ZDHHC14: variants seen among roughly 807,000 people sequenced by gnomAD.
The protein encoded by ZDHHC14 is palmitoyltransferase ZDHHC14.
ZDHHC14 carries 16 observed loss-of-function variants against 47.7 expected under a neutral mutation model. The ratio of observed to expected loss-of-function variants is 0.34; its 90% CI spans 0.23 to 0.51. ZDHHC14 has a LOEUF of 0.51. Among genes scored for constraint, ZDHHC14 ranks in the 20% least tolerant of loss-of-function variants. ZDHHC14 has a pLI of 0.97. For synonymous variants in ZDHHC14, 293 were observed against 278.9 expected, an observed-to-expected ratio of 1.05 and a Z score of -0.50; for missense variants, 515 against 662.5, an observed-to-expected ratio of 0.78 and a Z score of 2.44.
chr6:157,587,438 G>A (rs889395265), intron 2 of ZDHHC14, among the ~76,000 whole-genome samples: 1 of 152,164 alleles, frequency 6.6e-6, no homozygotes, highest in Non-Finnish European at 1.5e-5. Flanking sequence ...CACCTCTCCA[G>A]ATGCCTGTGA....
chr6:157,576,930 C>T (rs1032222231), intron 2 of ZDHHC14, among the ~76,000 whole-genome samples: 30 of 152,186 alleles, frequency 2.0e-4, no homozygotes, highest in African/African-American at 6.5e-4. Flanking sequence ...AGGTAAACCG[C>T]GTGTCATGGA....
chr6:157,519,526 GC>G (rs1473062885), intron 1 of ZDHHC14, among the ~76,000 whole-genome samples: 2 of 152,192 alleles, frequency 1.3e-5, no homozygotes, highest in African/African-American at 4.8e-5. Flanking sequence ...TCTAAAAGGT[GC>G]CGTCTTGGTT....
chr6:157,605,235 T>G (rs1392872544), intron 3 of ZDHHC14, among the ~76,000 whole-genome samples: 1 of 152,202 alleles, frequency 6.6e-6, no homozygotes, highest in African/African-American at 2.4e-5. Context: ...TATTTTGTTT[T>G]AAAAAAGGTT....
rs2114805227 is a variant in ZDHHC14 at position 157,542,661 on chromosome 6, A to G, written c.322A>G (p.Thr108Ala). The change falls in exon 2 of 9, where the codon ACC (threonine) becomes GCC (alanine). Residue 108 changes from threonine to alanine, a missense_variant. Coordinates refer to ENST00000359775, the MANE Select transcript of ZDHHC14 (RefSeq NM_024630.3). Reference protein sequence around the residue: ...AGILFFFVMGTLLRTSFSDPG... With the variant: ...AGILFFFVMGALLRTSFSDPG... ...CATCCTGTTCTTCTTTGTGATGGGG[A>G]CCCTGCTCCGCACCAGCTTCAGCGA... 1 of 1,613,772 alleles carries G rather than the reference A, an allele frequency of 6.2e-7. No individual in the cohort carries two copies. The highest frequency in any genetic ancestry group is 1.3e-5 in the African/African-American group (1 of 74,942).
intron 1 of ZDHHC14, among the ~76,000 whole-genome samples, chr6:157,397,105 G>A (rs562591372): frequency 6.6e-6 from 1 of 152,180 alleles, no homozygotes; most frequent in Non-Finnish European, 1.5e-5. Context: ...TTGGAAGGTT[G>A]TATGGGTTTG....
intron 1 of ZDHHC14, among the ~76,000 whole-genome samples, chr6:157,409,767 A>C (rs970274618): frequency 6.6e-5 from 10 of 152,016 alleles, no homozygotes; most frequent in Non-Finnish European, 1.3e-4. Context: ...CATCTCCTCC[A>C]AGGCATGAGG....
chr6:157,484,381 C>CATATATACGTATATGTGTAT (rs1779721230), intron 1 of ZDHHC14, among the ~76,000 whole-genome samples: 5 of 143,430 alleles, frequency 3.5e-5, no homozygotes, highest in African/African-American at 1.3e-4. Flanking sequence ...TATATACACA[C>CATATATACGTATATGTGTAT]ATATATACGT....
chr6:157,569,094 A>G (rs918111929), intron 2 of ZDHHC14, among the ~76,000 whole-genome samples: 50 of 152,028 alleles, frequency 3.3e-4, no homozygotes, highest in African/African-American at 1.2e-3. Flanking sequence ...CAGAGTATCA[A>G]TCTTTTCTTT....
In ZDHHC14 at chr6:157,544,485, T is replaced by C. The variant is rs144308163; in HGVS notation, c.406+1740T>C. 1.2e-3 allele frequency among the ~76,000 whole-genome samples: 175 copies of C among 152,128 alleles called. 2 individuals are homozygous for C. Among genetic ancestry groups the C allele is most frequent in the African/African-American group, 3.8e-3 (158 of 41,494 alleles). On this transcript the variant is annotated intron_variant, in intron 2 of 8. Coordinates refer to ENST00000359775, the MANE Select transcript of ZDHHC14 (RefSeq NM_024630.3). ...CAACCTGGTGAAACCCCATCTCTACTAAAAATAAAAAAAATTGGCAGGGTG... is the reference window on the plus strand; with the variant it reads ...CAACCTGGTGAAACCCCATCTCTACCAAAAATAAAAAAAATTGGCAGGGTG...
chr6:157,611,148 C>T (rs535673194), intron 3 of ZDHHC14, among the ~76,000 whole-genome samples: 10 of 152,218 alleles, frequency 6.6e-5, no homozygotes, highest in East Asian at 5.8e-4. Flanking sequence ...TATAGGCACG[C>T]GCCACCATGC....
chr6:157,425,854 C>A (rs138918712), intron 1 of ZDHHC14, among the ~76,000 whole-genome samples: 1 of 152,318 alleles, frequency 6.6e-6, no homozygotes, highest in African/African-American at 2.4e-5. Context: ...CCCCTGCCAA[C>A]CTTAGAACCC....
At chr6:157,483,570 A>G (rs1291762768) in intron 1 of ZDHHC14, among the ~76,000 whole-genome samples, 1 of 152,202 alleles carries the variant, frequency 6.6e-6, no homozygotes, top group Non-Finnish European at 1.5e-5. Context: ...GGCCTTGCTG[A>G]GACATAGTGC....
chr6:157,650,239 G>A (rs965320181), intron 7 of ZDHHC14, among the ~76,000 whole-genome samples: 3 of 152,236 alleles, frequency 2.0e-5, no homozygotes, highest in Admixed American at 6.5e-5. Context: ...GAAGGAGTTC[G>A]GAGGAGGAAG....
intron 1 of ZDHHC14, among the ~76,000 whole-genome samples, chr6:157,509,891 A>G (rs1364113473): frequency 6.6e-6 from 1 of 152,246 alleles, no homozygotes; most frequent in Non-Finnish European, 1.5e-5. Context: ...CCAGAGCCTC[A>G]TTGCCATGTC....
chr6:157,515,358 C>T (rs996467965), intron 1 of ZDHHC14, among the ~76,000 whole-genome samples: 1 of 152,088 alleles, frequency 6.6e-6, no homozygotes, highest in Admixed American at 6.6e-5. Context: ...TTCCAGCTCA[C>T]GTGATTCTAG....
intron 3 of ZDHHC14, among the ~76,000 whole-genome samples, chr6:157,614,568 G>C (rs1208409575): frequency 1.3e-5 from 2 of 152,112 alleles, no homozygotes; most frequent in Non-Finnish European, 2.9e-5. Context: ...GATGTTCTTA[G>C]AAAAACTCTC....
intron 2 of ZDHHC14, among the ~76,000 whole-genome samples, chr6:157,570,286 T>C (rs1013764786): frequency 6.6e-6 from 1 of 152,234 alleles, no homozygotes; most frequent in Non-Finnish European, 1.5e-5. Flanking sequence ...GTATCCAGTG[T>C]CCACTTTTTA....
chr6:157,614,134 G>A (rs1784861247), intron 3 of ZDHHC14, among the ~76,000 whole-genome samples: 1 of 152,166 alleles, frequency 6.6e-6, no homozygotes, highest in South Asian at 2.1e-4. Context: ...GCTCTTGGTA[G>A]GGGGGATGGG....
chr6:157,426,954 C>T (rs1778235641), intron 1 of ZDHHC14, among the ~76,000 whole-genome samples: 1 of 152,166 alleles, frequency 6.6e-6, no homozygotes, highest in Non-Finnish European at 1.5e-5. Flanking sequence ...TTGCAGACGG[C>T]CTTTCTATAA....
Sources: allele counts gnomAD v4.1 joint callset (sites outside exome capture counted in the v4.1 genomes callset), GRCh38; gene constraint gnomAD v4.1.1; transcripts MANE v1.5; gene names NCBI Gene and HGNC (gene_info 2026-07-23, HGNC 2026-07-21).